The following PITPNM3 variants were observed in gnomAD, a reference collection of about 807,000 sequenced individuals.
PITPNM3 encodes the protein membrane-associated phosphatidylinositol transfer protein 3.
A neutral mutation model predicts 102.0 loss-of-function variants in PITPNM3; 26 were observed. The ratio of observed to expected loss-of-function variants is 0.25; its 90% CI spans 0.19 to 0.35. The LOEUF is 0.35. PITPNM3 is among the 10% of genes least tolerant of loss of function. The pLI is 1.00. For synonymous variants in PITPNM3, 578 were observed against 558.6 expected, an observed-to-expected ratio of 1.03 and a Z score of -0.49; for missense variants, 1,083 against 1,346.1, an observed-to-expected ratio of 0.80 and a Z score of 3.06.
intron 1 of PITPNM3, among the ~76,000 whole-genome samples, chr17:6,540,066 T>C (rs1391330237): frequency 6.6e-6 from 1 of 152,144 alleles, no homozygotes. Flanking sequence ...TTCTCTCTGA[T>C]GACCTGTGCA....
At chr17:6,474,702 G>C (rs1905225621) in intron 9 of PITPNM3, 98 bp from the exon 10 acceptor site, 1 of 1,394,792 alleles carries the variant, frequency 7.2e-7, no homozygotes, top group Non-Finnish European at 9.7e-7. Context: ...TGAGCGTGAA[G>C]TGCCCAACCC....
intron 3 of PITPNM3, among the ~76,000 whole-genome samples, chr17:6,510,744 C>G (rs549273209): frequency 6.6e-6 from 1 of 152,210 alleles, no homozygotes; most frequent in South Asian, 2.1e-4. Context: ...CAGAGTGGTC[C>G]GTGCTACAGA....
intron 4 of PITPNM3, among the ~76,000 whole-genome samples, chr17:6,491,525 T>G (rs549051493): frequency 6.6e-6 from 1 of 152,256 alleles, no homozygotes; most frequent in East Asian, 1.9e-4. Flanking sequence ...CGGCTCTGGC[T>G]GAAGCAGGCT....
At position 6,464,203 on chromosome 17, in the gene PITPNM3, C is replaced by T; in HGVS notation, c.2123G>A (p.Gly708Glu). 1.9e-6 allele frequency: 3 copies of T among 1,614,208 alleles called. No homozygotes were observed. The highest frequency in any genetic ancestry group is 2.5e-6 in the Non-Finnish European group (3 of 1,180,038). The part of the protein sequence containing the change: ...TYNVPRPRRL[G>E]VGVYPVKMVV... ...CATCTTCACAGGATAGACACCAACC[C>T]CCAGGCGCCGGGGCCGCGGCACATT... The change falls in exon 16 of 20, where the codon GGG (glycine) becomes GAG (glutamate). Residue 708 changes from glycine to glutamate, a missense_variant. Coordinates refer to ENST00000262483, the MANE Select transcript of PITPNM3 (RefSeq NM_031220.4).
Position 6,556,520 on chromosome 17 carries a change from C to A in PITPNM3, c.-114G>T. The A allele has an allele frequency of 1.4e-6, 1 of 708,022 alleles. No individual in the cohort carries two copies. The highest frequency in any genetic ancestry group is 1.7e-6 in the Non-Finnish European group (1 of 576,554). 43.9% of individuals were successfully genotyped at this position (708,022 alleles called of 1,614,324 possible). ...CGAGCGCCGCGCCCGCGCCCCCGCC[C>A]CGCTCGCCTCGGCTGCCGCCACCGC... On this transcript the variant is annotated 5_prime_UTR_variant, in exon 1 of 20. Transcript: ENST00000262483. This position sits in a 1 kb window ranked among gnomAD's most constrained non-coding sequence, Gnocchi z 5.2.
At chr17:6,498,476 C>T (rs887136834) in intron 4 of PITPNM3, among the ~76,000 whole-genome samples, 17 of 152,224 alleles carry the variant, frequency 1.1e-4, no homozygotes, top group Admixed American at 6.5e-5. Context: ...CCAGCCTTTC[C>T]TCCTCCAAAG....
intron 6 of PITPNM3, chr17:6,480,571 G>A (rs1905606884): frequency 6.6e-6 from 1 of 152,334 alleles, no homozygotes; most frequent in Non-Finnish European, 1.5e-5. Flanking sequence ...GGGGTATGAG[G>A]GCTCTGCCTG....
intron 4 of PITPNM3, among the ~76,000 whole-genome samples, chr17:6,497,884 G>A (rs879900085): frequency 6.6e-6 from 1 of 152,156 alleles, no homozygotes; most frequent in Admixed American, 6.5e-5. Flanking sequence ...CTCTCAACTC[G>A]CACTTTCCCA....
At chr17:6,511,513 C>T (rs1384233794) in intron 3 of PITPNM3, among the ~76,000 whole-genome samples, 1 of 152,168 alleles carries the variant, frequency 6.6e-6, no homozygotes, top group Non-Finnish European at 1.5e-5. Context: ...ACATAATTTT[C>T]AGGGCCCAGT....
At chr17:6,498,487 G>A (rs1004676593) in intron 4 of PITPNM3, among the ~76,000 whole-genome samples, 6 of 152,218 alleles carry the variant, frequency 3.9e-5, no homozygotes, top group African/African-American at 1.4e-4. Flanking sequence ...TCCTCCAAAG[G>A]TCTCTCTGAC....
chr17:6,492,198 G>A (rs555831348), intron 4 of PITPNM3, among the ~76,000 whole-genome samples: 12 of 80,012 alleles, frequency 1.5e-4, no homozygotes, highest in African/African-American at 6.9e-4. Flanking sequence ...TCAGTAGCTG[G>A]GACTACAGGC....
intron 3 of PITPNM3, among the ~76,000 whole-genome samples, chr17:6,513,468 A>C (rs1907984869): frequency 6.6e-6 from 1 of 152,236 alleles, no homozygotes; most frequent in African/African-American, 2.4e-5. Context: ...ATAGAGGATC[A>C]ATATACAAAA....
chr17:6,495,381 CTT>C (rs749504530), intron 4 of PITPNM3, among the ~76,000 whole-genome samples: 8 of 152,078 alleles, frequency 5.3e-5, no homozygotes, highest in Admixed American at 1.3e-4. Flanking sequence ...TCCAAAAGCT[CTT>C]TTGTTCCCAA....
intron 4 of PITPNM3, among the ~76,000 whole-genome samples, chr17:6,497,001 A>G (rs964570133): frequency 6.6e-6 from 1 of 152,110 alleles, no homozygotes; most frequent in African/African-American, 2.4e-5. Context: ...CACACAAACG[A>G]GAAGGAACGA....
intron 1 of PITPNM3, among the ~76,000 whole-genome samples, chr17:6,544,185 T>G (rs932325304): frequency 6.6e-6 from 1 of 152,174 alleles, no homozygotes; most frequent in Non-Finnish European, 1.5e-5. Flanking sequence ...TATCAGAAAC[T>G]GCAGCCTGCC....
chr17:6,526,509 T>C (rs1187964806), intron 2 of PITPNM3, among the ~76,000 whole-genome samples: 2 of 152,210 alleles, frequency 1.3e-5, no homozygotes, highest in Non-Finnish European at 2.9e-5. Context: ...CAAAGAACTT[T>C]ACCTAGCAGA....
At chr17:6,497,006 G>A (rs1906872130) in intron 4 of PITPNM3, among the ~76,000 whole-genome samples, 1 of 152,042 alleles carries the variant, frequency 6.6e-6, no homozygotes, top group Non-Finnish European at 1.5e-5. Flanking sequence ...AAACGAGAAG[G>A]AACGATGCCA....
chr17:6,477,568 CAG>C (rs994012873), intron 8 of PITPNM3, among the ~76,000 whole-genome samples: 7 of 152,044 alleles, frequency 4.6e-5, no homozygotes, highest in African/African-American at 1.7e-4. Context: ...CTTTTTGAAA[CAG>C]AGTCTCCCTC....
chr17:6,523,054 C>G (rs1420375422), intron 3 of PITPNM3, among the ~76,000 whole-genome samples: 2 of 152,188 alleles, frequency 1.3e-5, no homozygotes, highest in Non-Finnish European at 2.9e-5. Flanking sequence ...GGAAATCCAG[C>G]TGGTTTCCTC....
Sources: allele counts gnomAD v4.1 joint callset (sites outside exome capture counted in the v4.1 genomes callset), GRCh38; gene constraint gnomAD v4.1.1; non-coding constraint Gnocchi (gnomAD v3.1); transcripts MANE v1.5; gene names NCBI Gene and HGNC (gene_info 2026-07-23, HGNC 2026-07-21).